The following NHSL2 variants were observed in gnomAD, a reference collection of about 807,000 sequenced individuals.
NHSL2 encodes the protein NHS like 2, also known as NHS-like protein 2.
A neutral mutation model predicts 53.4 loss-of-function variants in NHSL2; 27 were observed. The observed-to-expected ratio is 0.51, with a 90% CI of 0.37 to 0.70. NHSL2 has a LOEUF of 0.70. Ranked by LOEUF, NHSL2 falls within the 30% of genes least tolerant of loss-of-function variation. The pLI, the probability that NHSL2 is intolerant of heterozygous loss-of-function variation, is 0.00. For missense variants in NHSL2, 892 were observed against 980.1 expected (o/e 0.91, Z 1.20); for synonymous variants, 408 against 404.1 (o/e 1.01, Z -0.12).
chrX:72,051,163 A>G (rs1411938744), intron 1 of NHSL2, among the ~76,000 whole-genome samples: 1 of 112,165 alleles, frequency 8.9e-6, no homozygotes, highest in Non-Finnish European at 1.9e-5. Context: ...TTTTACACCC[A>G]TAGATGTAGT....
chrX:71,980,552 GTGTGT>G (rs2041971058), intron 1 of NHSL2, among the ~76,000 whole-genome samples: 3 of 1,646 alleles, frequency 1.8e-3, no homozygotes, highest in African/African-American at 2.6e-3. Flanking sequence ...GTGTGTGTGT[GTGTGT>G]GGGGTGTGTG....
At chrX:72,029,502 A>G (rs2042203166) in intron 1 of NHSL2, among the ~76,000 whole-genome samples, 1 of 112,833 alleles carries the variant, frequency 8.9e-6, no homozygotes, top group Non-Finnish European at 1.9e-5. Context: ...TGAGGCTATG[A>G]CAGTAGCACT....
chrX:72,015,853 T>A lies in NHSL2; in HGVS notation c.280+104486T>A, dbSNP rs772830219. 4.3e-3 allele frequency among the ~76,000 whole-genome samples: 489 copies of A among 112,684 alleles called. 1 individual carries two copies. The highest frequency in any genetic ancestry group is 7.2e-3 in the Non-Finnish European group (384 of 53,322). ...TGAGTTGTTTACCTTTTTATTGATT[T>A]ACAGAAATTCTCTATATATTTTTAT... On this transcript the variant is annotated intron_variant, in intron 1 of 7. Transcript: ENST00000633930.
intron 1 of NHSL2, among the ~76,000 whole-genome samples, chrX:71,998,671 G>C (rs1397043651): frequency 1.8e-5 from 2 of 111,698 alleles, no homozygotes; most frequent in Non-Finnish European, 3.8e-5. Context: ...AAACCTATTG[G>C]TTGCTCTAGG....
chrX:72,117,602 G>A (rs12006827), intron 1 of NHSL2, among the ~76,000 whole-genome samples: 13,267 of 108,622 alleles, frequency 0.12, 776 homozygotes, highest in South Asian at 0.22. Context: ...CCCCTCAATC[G>A]CCTCCCCAGC....
intron 2 of NHSL2, among the ~76,000 whole-genome samples, chrX:72,132,727 G>A (rs1464023882): frequency 1.8e-5 from 2 of 111,374 alleles, no homozygotes; most frequent in Non-Finnish European, 3.8e-5. Flanking sequence ...AGCACCCAGA[G>A]GTCACCTATT....
chrX:72,039,523 A>G (rs980154638), intron 1 of NHSL2, among the ~76,000 whole-genome samples: 6 of 111,717 alleles, frequency 5.4e-5, no homozygotes, highest in Non-Finnish European at 1.1e-4. Context: ...TACACTTCCA[A>G]TCAATAATCC....
chrX:72,133,863 A>C, intron 2 of NHSL2: 1 of 354,448 alleles, frequency 2.8e-6, no homozygotes, highest in African/African-American at 2.6e-5. Context: ...TCCCCAAACC[A>C]CCACAGCATG....
At chrX:71,917,737 G>A (rs941693317) in intron 1 of NHSL2, among the ~76,000 whole-genome samples, 1 of 111,558 alleles carries the variant, frequency 9.0e-6, no homozygotes, top group Non-Finnish European at 1.9e-5. Flanking sequence ...GTTGAAGGTT[G>A]AAGAAGGTGG....
intron 1 of NHSL2, among the ~76,000 whole-genome samples, chrX:71,922,317 C>T (rs1443130079): frequency 9.0e-6 from 1 of 111,337 alleles, no homozygotes; most frequent in Non-Finnish European, 1.9e-5. Flanking sequence ...TTTTGGGGTC[C>T]TGAGACATCC....
chrX:72,143,561 ACCCCAG>A lies in NHSL2; in HGVS notation c.3666_3671del (p.Pro1223_Ser1224del). On this transcript the variant is annotated inframe_deletion, in exon 8 of 8. Coordinates refer to ENST00000633930, the MANE Select transcript of NHSL2 (RefSeq NM_001013627.3). Reference sequence around the variant, plus strand: ...TCAAAAGACTATGAAACCACCGATAACCCCAGTACCTAAGCCCTGGGCTCAACAAGC... The same window carrying A: ...TCAAAAGACTATGAAACCACCGATAATACCTAAGCCCTGGGCTCAACAAGC... The A allele has an allele frequency of 2.6e-6, 3 of 1,144,848 alleles. No homozygotes were observed. The highest frequency in any genetic ancestry group is 3.5e-6 in the Non-Finnish European group (3 of 857,341). The allele number at this position is 1,144,848 out of a possible 1,213,427, so 94.3% of individuals were successfully genotyped here. A position where few individuals can be genotyped will look rare whatever the true frequency, so the allele number is the denominator to read the frequency against.
chrX:72,116,957 A>T (rs1379979238), intron 1 of NHSL2, among the ~76,000 whole-genome samples: 1 of 111,932 alleles, frequency 8.9e-6, no homozygotes, highest in Non-Finnish European at 1.9e-5. Flanking sequence ...ACAACTAGTC[A>T]GTAGGTTTTT....
intron 1 of NHSL2, among the ~76,000 whole-genome samples, chrX:72,030,948 A>G (rs2042211740): frequency 9.0e-6 from 1 of 111,472 alleles, no homozygotes; most frequent in Admixed American, 9.5e-5. Flanking sequence ...CTTAGTGAGG[A>G]GAGAATCGTT....
chrX:71,954,720 A>G (rs1327212644), intron 1 of NHSL2, among the ~76,000 whole-genome samples: 1 of 111,799 alleles, frequency 8.9e-6, no homozygotes, highest in Non-Finnish European at 1.9e-5. Flanking sequence ...TCAGAAGGAA[A>G]TGGCTTTTGT....
chrX:72,139,972 G>T lies in NHSL2; in HGVS notation c.2424G>T (p.Lys808Asn), dbSNP rs1374310026. 1.7e-6 allele frequency: 2 copies of T among 1,210,058 alleles called. No individual in the cohort carries two copies. Among genetic ancestry groups the T allele is most frequent in the East Asian group, 3.0e-5 (1 of 33,803 alleles). Residue 808 changes from lysine to asparagine, a missense_variant, in exon 6 of 8, where the codon AAG (lysine) becomes AAT (asparagine). Transcript: ENST00000633930. ...ACTCAGAGACAAATTTTGGCGTCAA[G>T]CTGGCCCAGAAAACTAATCCCAACC... is the stretch of plus-strand genomic sequence containing the variant. ...RHHSETNFGVKLAQKTNPNQP... is the reference protein window; with the variant it reads ...RHHSETNFGVNLAQKTNPNQP...
chrX:72,144,704 G>GCGCA lies in NHSL2; in HGVS notation c.*1131_*1132insGCAC, dbSNP rs1447345088. 2 of 147,443 alleles carry GCGCA rather than the reference G, an allele frequency of 1.4e-5. No homozygotes were observed. The highest frequency in any genetic ancestry group is 7.3e-5 in the African/African-American group (2 of 27,234). 12.2% of individuals were successfully genotyped at this position (147,443 alleles called of 1,213,427 possible). On this transcript the variant is annotated 3_prime_UTR_variant, in exon 8 of 8. Coordinates refer to ENST00000633930, the MANE Select transcript of NHSL2 (RefSeq NM_001013627.3). ...CTTGCCAGTTGCTATGGCCCATAAT[G>GCGCA]CACACACACACACACACACACACAC...
In NHSL2 at chrX:72,148,979, TAAGGACCAGTCTCTGGCCAA is replaced by T. The variant is rs1330469057; in HGVS notation, c.*5406_*5425del. 3 of 109,830 alleles carry T rather than the reference TAAGGACCAGTCTCTGGCCAA, an allele frequency of 2.7e-5. No individual in the cohort carries two copies. In the Admixed American group the frequency reaches 2.9e-4, roughly 11 times the overall value. 9.1% of individuals were successfully genotyped at this position (109,830 alleles called of 1,213,427 possible). On this transcript the variant is annotated 3_prime_UTR_variant, in exon 8 of 8. Transcript: ENST00000633930. ...TTTACCATTATTCTGGCTCTCATCA[TAAGGACCAGTCTCTGGCCAA>T]GAGGTGTATATTGTTATCTTGGTCA...
intron 1 of NHSL2, among the ~76,000 whole-genome samples, chrX:72,126,248 G>A (rs185991863): frequency 2.7e-5 from 3 of 111,759 alleles, no homozygotes; most frequent in Admixed American, 1.9e-4. Flanking sequence ...GGAGGCAGGG[G>A]GGGTAGGACA....
intron 1 of NHSL2, among the ~76,000 whole-genome samples, chrX:72,113,837 G>A (rs780372549): frequency 7.1e-5 from 8 of 112,348 alleles, no homozygotes; most frequent in African/African-American, 2.3e-4. Context: ...GTCTCTTGGT[G>A]CCTGGGGAGG....
Sources: allele counts gnomAD v4.1 joint callset (sites outside exome capture counted in the v4.1 genomes callset), GRCh38; gene constraint gnomAD v4.1.1; transcripts MANE v1.5; gene names NCBI Gene and HGNC (gene_info 2026-07-23, HGNC 2026-07-21).